The following OVCH2 variants were observed in gnomAD, a reference collection of about 807,000 sequenced individuals.
OVCH2 encodes the protein ovochymase-2.
A neutral mutation model predicts 73.7 loss-of-function variants in OVCH2; 88 were observed. The ratio of observed to expected loss-of-function variants is 1.19; its 90% confidence interval spans 1.01 to 1.43. OVCH2 has a LOEUF of 1.43. Ranked by LOEUF, OVCH2 falls within the 40% of genes most tolerant of loss-of-function variation. The probability of loss-of-function intolerance (pLI) is 0.00; values close to 1 mark genes in which losing one functional copy is unlikely to be tolerated. For synonymous variants in OVCH2, 265 were observed against 234.5 expected, an observed-to-expected ratio of 1.13 and a Z score of -1.19; for missense variants, 706 against 674.5, an observed-to-expected ratio of 1.05 and a Z score of -0.52.
chr11:7,695,311 G>A (rs1589875385), intron 11 of OVCH2, 123 bp from the exon 12 acceptor site: 4 of 1,248,020 alleles, frequency 3.2e-6, no homozygotes. Context: ...CTGCGAACAA[G>A]AAAAGACGTA....
At chr11:7,695,791 G>A in intron 10 of OVCH2, 81 bp from the exon 11 acceptor site, 1 of 1,521,942 alleles carries the variant, frequency 6.6e-7, no homozygotes, top group Non-Finnish European at 8.9e-7. Flanking sequence ...AACTGAATTT[G>A]CCATGATATT....
chr11:7,686,064 A>G (rs1158543806), downstream of OVCH2, among the ~76,000 whole-genome samples: 1 of 152,192 alleles, frequency 6.6e-6, no homozygotes, highest in Non-Finnish European at 1.5e-5. Context: ...GTGTGGCTGA[A>G]TCAGTCTTAT....
intron 7 of OVCH2, chr11:7,699,507 T>C (rs1297781449): frequency 6.6e-6 from 1 of 152,278 alleles, no homozygotes; most frequent in South Asian, 2.1e-4. Context: ...AAGTAAATGC[T>C]ATGTAAATAG....
At chr11:7,684,553 C>T (rs140954742), downstream of OVCH2, among the ~76,000 whole-genome samples, 236 of 147,244 alleles carry the variant, frequency 1.6e-3, no homozygotes, top group Middle Eastern at 0.017. Context: ...TATTACGGTT[C>T]TTAAATCCAG....
chr11:7,697,556 T>A (rs1310995423), intron 8 of OVCH2, among the ~76,000 whole-genome samples: 1 of 152,204 alleles, frequency 6.6e-6, no homozygotes, highest in African/African-American at 2.4e-5. Flanking sequence ...ATGCTATAAA[T>A]AGAATTCCTT....
chr11:7,679,249 T>C, the OVCH2 span, among the ~76,000 whole-genome samples: 1 of 152,222 alleles, frequency 6.6e-6, no homozygotes, highest in Non-Finnish European at 1.5e-5. Context: ...ACTAAAATCC[T>C]TGGAATCTCC....
the OVCH2 span, among the ~76,000 whole-genome samples, chr11:7,681,048 C>T: frequency 6.6e-6 from 1 of 152,156 alleles, no homozygotes; most frequent in Non-Finnish European, 1.5e-5. Context: ...CCACCCACTC[C>T]ATCTCTTCCT....
At chr11:7,701,886 T>TA in intron 4 of OVCH2, 75 bp from the exon 5 acceptor site, 7 of 1,259,852 alleles carry the variant, frequency 5.6e-6, no homozygotes, top group African/African-American at 1.5e-5. Flanking sequence ...CCACTTGGTA[T>TA]CCAGGTGGTC....
In OVCH2 at chr11:7,696,750, C is replaced by T. The variant is rs995914239; in HGVS notation, c.975G>A (p.Leu325=). The change falls in exon 9 of 16, where the codon CTG becomes CTA. Residue 325 remains leucine (L), a synonymous_variant. Coordinates refer to ENST00000533663, the MANE Select transcript of OVCH2 (RefSeq NM_198185.7). ...ATAGGTGGAGGCTTTCTGGGAAGTGCAGCTTCCCCTCAGCCCCGCTGACTA... is the reference window on the plus strand; with the variant it reads ...ATAGGTGGAGGCTTTCTGGGAAGTGTAGCTTCCCCTCAGCCCCGCTGACTA... ...DVIVSGAEGK[L]HFPESLHLYY... The T allele has an allele frequency of 6.2e-7, 1 of 1,613,026 alleles. No homozygotes were observed. The highest frequency in any genetic ancestry group is 8.5e-7 in the Non-Finnish European group (1 of 1,179,520).
At chr11:7,695,953 C>A (rs974791588) in intron 10 of OVCH2, among the ~76,000 whole-genome samples, 1 of 152,178 alleles carries the variant, frequency 6.6e-6, no homozygotes, top group South Asian at 2.1e-4. Context: ...CTTGTGACAA[C>A]TGAAAAATGC....
At chr11:7,696,389 C>A in intron 10 of OVCH2, 76 bp downstream of exon 10, 1 of 1,568,970 alleles carries the variant, frequency 6.4e-7, no homozygotes, top group Non-Finnish European at 8.7e-7. Flanking sequence ...TGGCTGAGTG[C>A]CAGACATAAG....
Position 7,701,797 on chromosome 11 carries a change from G to T in OVCH2, c.478C>A (p.Pro160Thr). Reference sequence around the variant, plus strand: ...TCCCGCAGCTCTGGAAGACATATGGGCCCCACAAAGTGGCCTGAAGAAAAG... The same window carrying T: ...TCCCGCAGCTCTGGAAGACATATGGTCCCCACAAAGTGGCCTGAAGAAAAG... ...GAFQFGHFVGPICLPELREQF... is the reference protein window; with the variant it reads ...GAFQFGHFVGTICLPELREQF... The change falls in exon 5 of 16, where the codon CCC (proline) becomes ACC (threonine). Residue 160 changes from proline (P) to threonine (T), a missense_variant. By Grantham distance (38) the Pro-to-Thr change is conservative. Coordinates refer to ENST00000533663, the MANE Select transcript of OVCH2 (RefSeq NM_198185.7). 6.2e-7 allele frequency: 1 copy of T among 1,611,070 alleles called. No individual in the cohort carries two copies. The highest frequency in any genetic ancestry group is 8.5e-7 in the Non-Finnish European group (1 of 1,178,892).
In OVCH2 at chr11:7,702,160, A is replaced by G. The variant is rs1202175866; in HGVS notation, c.460T>C (p.Phe154Leu). Residue 154 changes from phenylalanine (F) to leucine (L), a missense_variant, in exon 4 of 16, where the codon TTT becomes CTT. Coordinates refer to ENST00000533663, the MANE Select transcript of OVCH2 (RefSeq NM_198185.7). ...AGTATGATCCTCAAATGTTTACCAA[A>G]TTGGAAGGCTCCAGCCATCTTCAAA... ...ALLKMAGAFQ[F>L]GHFVGPICLP... 1 of 1,606,908 alleles carries G rather than the reference A, an allele frequency of 6.2e-7. No individual in the cohort carries two copies. The highest frequency in any genetic ancestry group is 8.5e-7 in the Non-Finnish European group (1 of 1,175,230).
Position 7,695,573 on chromosome 11 carries a change from G to A in OVCH2, c.1279C>T (p.Pro427Ser), listed in dbSNP as rs186255261. The A allele has an allele frequency of 8.1e-4, 1,310 of 1,612,252 alleles. 5 individuals are homozygous for A. Among genetic ancestry groups the A allele is most frequent in the Non-Finnish European group, 5.1e-4 (598 of 1,178,634 alleles). Reference protein sequence around the residue: ...TYKALKPNYIPDSGCSYLTVL... With the variant: ...TYKALKPNYISDSGCSYLTVL... Reference sequence around the variant, plus strand: ...GATTAAAAGTAAATGGTTTTACCAGGAATGTAGTTTGGTTTAAGAGCTTTA... The same window carrying A: ...GATTAAAAGTAAATGGTTTTACCAGAAATGTAGTTTGGTTTAAGAGCTTTA... Residue 427 changes from proline to serine, a missense_variant, in exon 11 of 16, where the codon CCT (proline) becomes TCT (serine). Physicochemically the swap from Pro to Ser is moderately conservative, Grantham distance 74. Transcript: ENST00000533663.
intron 1 of OVCH2, 76 bp from the exon 2 acceptor site, chr11:7,704,750 T>A: frequency 1.1e-6 from 1 of 951,652 alleles, no homozygotes; most frequent in Non-Finnish European, 1.6e-6. Flanking sequence ...ATTTCACCCA[T>A]GAAACTGAGT....
At chr11:7,679,926 A>C in the OVCH2 span, among the ~76,000 whole-genome samples, 1 of 152,234 alleles carries the variant, frequency 6.6e-6, no homozygotes, top group Non-Finnish European at 1.5e-5. Context: ...GGAGGTCCCT[A>C]GGGCACAGTG....
chr11:7,706,243 T>C, intron 1 of OVCH2, 64 bp downstream of exon 1: 3 of 1,435,370 alleles, frequency 2.1e-6, no homozygotes, highest in South Asian at 2.6e-5. Context: ...AGTCTCGGAG[T>C]TGTGACGTCC....
In OVCH2 at chr11:7,695,762, C is replaced by T. The variant is rs1337990284; in HGVS notation, c.1142-52G>A. ...TGTTCAGAATCTAGAAAATAGTTCC[C>T]ATTCAATGATTTAAGAAGAACTGAA... is the stretch of plus-strand genomic sequence containing the variant. On this transcript the variant is annotated intron_variant, in intron 10 of 15. Coordinates refer to ENST00000533663, the MANE Select transcript of OVCH2 (RefSeq NM_198185.7). The T allele has an allele frequency of 6.4e-6, 10 of 1,557,500 alleles. No homozygotes were observed. The South Asian group carries it at 1.1e-4, about 17-fold the overall frequency.
chr11:7,706,265 A>T, intron 1 of OVCH2, 42 bp downstream of exon 1: 1 of 1,528,702 alleles, frequency 6.5e-7, no homozygotes, highest in Non-Finnish European at 8.8e-7. Flanking sequence ...TTGCCAGCAA[A>T]GGTTCAGACA....
Sources: allele counts gnomAD v4.1 joint callset (sites outside exome capture counted in the v4.1 genomes callset), GRCh38; gene constraint gnomAD v4.1.1; transcripts MANE v1.5; gene names NCBI Gene and HGNC (gene_info 2026-07-23, HGNC 2026-07-21).